COL2A1: variants seen among roughly 807,000 people sequenced by gnomAD.
COL2A1 encodes collagen alpha-1(II) chain.
In COL2A1, 28 loss-of-function variants were observed where a neutral mutation model predicts 204.5. The observed-to-expected ratio is 0.14, with a 90% confidence interval of 0.10 to 0.19. The LOEUF is 0.19. Ranked by LOEUF, COL2A1 falls within the 10% of genes least tolerant of loss-of-function variation. COL2A1 has a pLI of 1.00. For synonymous variants in COL2A1, 708 were observed against 718.7 expected, an observed-to-expected ratio of 0.99 and a Z score of 0.24; for missense variants, 1,388 against 2,027.5, an observed-to-expected ratio of 0.68 and a Z score of 6.06.
Position 47,978,568 on chromosome 12 carries a change from C to A in COL2A1, c.2895+29G>T. On this transcript the variant is annotated intron_variant, in intron 42 of 53. Coordinates refer to ENST00000380518, the MANE Select transcript of COL2A1 (RefSeq NM_001844.5). This position sits in a 1 kb window ranked among gnomAD's most constrained non-coding sequence, Gnocchi z 5.5. ...CCACTCACGACCCTGCTCCCAGGGA[C>A]CTTGGCATGGGCCTGGTGAGGGACT... 1 of 1,613,350 alleles carries A rather than the reference C, an allele frequency of 6.2e-7. No homozygotes were observed. Among genetic ancestry groups the A allele is most frequent in the Non-Finnish European group, 8.5e-7 (1 of 1,179,842 alleles).
At position 47,974,159 on chromosome 12, in the gene COL2A1, G is replaced by A. The variant is rs557405437; in HGVS notation, c.4247C>T (p.Ser1416Phe). 1.6e-5 allele frequency: 26 copies of A among 1,614,218 alleles called. No homozygotes were observed. In the South Asian group the frequency reaches 2.7e-4, roughly 17 times the overall value. ...CTCTGCCCGGATCTCCACGTCATTGGAGCCCTGGATGAGCAGGGCCTTCTT... is the reference window on the plus strand; with the variant it reads ...CTCTGCCCGGATCTCCACGTCATTGAAGCCCTGGATGAGCAGGGCCTTCTT... Reference protein sequence around the residue: ...NLKKALLIQGSNDVEIRAEGN... With the variant: ...NLKKALLIQGFNDVEIRAEGN... The change falls in exon 53 of 54, where the codon TCC (serine) becomes TTC (phenylalanine). Residue 1416 changes from serine (S) to phenylalanine (F), a missense_variant. This residue lies in a region of COL2A1 where 303 missense variants were observed against 369.2 expected (regional missense o/e 0.82). Transcript: ENST00000380518.
chr12:47,981,987 G>T, intron 35 of COL2A1, 120 bp downstream of exon 35: 1 of 1,302,986 alleles, frequency 7.7e-7, no homozygotes, highest in Non-Finnish European at 1.1e-6. Flanking sequence ...CAGTTGCCCA[G>T]CCCCGACAGA....
Position 47,976,976 on chromosome 12 carries a change from C to A in COL2A1, c.3328-57G>T. ...GTCAGGGCCAGGACAGGAGCCCCCT[C>A]CTGTCCCACCCAAGCTGAGGAATCC... On this transcript the variant is annotated intron_variant, in intron 47 of 53. Transcript: ENST00000380518. This position sits in a 1 kb window ranked among gnomAD's most constrained non-coding sequence, Gnocchi z 4.3. 6.5e-7 allele frequency: 1 copy of A among 1,538,408 alleles called. No individual in the cohort carries two copies. The highest frequency in any genetic ancestry group is 2.4e-5 in the East Asian group (1 of 42,526).
In COL2A1 at chr12:47,977,933, TC is replaced by T. The variant is rs1938813545; in HGVS notation, c.3111+76del. The T allele has an allele frequency of 6.5e-6, 9 of 1,377,458 alleles. No homozygotes were observed. In the Admixed American group the frequency reaches 1.5e-4, roughly 23 times the overall value. 85.3% of individuals were successfully genotyped at this position (1,377,458 alleles called of 1,614,324 possible). On this transcript the variant is annotated intron_variant, in intron 44 of 53. Transcript: ENST00000380518. ...TCTCCAGGGCCCTGACTGGGACTTG[TC>T]CTTGCTGACCCAGCACAGAGACTCA...
Position 47,987,573 on chromosome 12 carries a change from C to T in COL2A1, c.1221+38G>A, listed in dbSNP as rs986556856. On this transcript the variant is annotated intron_variant, in intron 19 of 53. Coordinates refer to ENST00000380518, the MANE Select transcript of COL2A1 (RefSeq NM_001844.5). This position sits in a 1 kb window ranked among gnomAD's most constrained non-coding sequence, Gnocchi z 4.1. ...GAGTCAAGAGTTCCAAAGCCACAGA[C>T]CCCAGACCCCCCCAGGCCAAAGAGA... The T allele has an allele frequency of 9.0e-6, 14 of 1,549,770 alleles. No individual in the cohort carries two copies. The highest frequency in any genetic ancestry group is 4.1e-5 in the African/African-American group (3 of 73,350).
chr12:47,978,210 A>G lies in COL2A1; in HGVS notation c.3003+81T>C. ...TTCAGGGAGAGGGCAGACAAGGGAC[A>G]GTCCTGAGGGTGCTGAGGGAGGTAG... On this transcript the variant is annotated intron_variant, in intron 43 of 53. Coordinates refer to ENST00000380518, the MANE Select transcript of COL2A1 (RefSeq NM_001844.5). This position sits in a 1 kb window ranked among gnomAD's most constrained non-coding sequence, Gnocchi z 5.5. The G allele has an allele frequency of 6.3e-7, 1 of 1,585,642 alleles. No individual in the cohort carries two copies.
chr12:47,977,884 T>C lies in COL2A1; in HGVS notation c.3111+126A>G, dbSNP rs1473024011. 4.0e-6 allele frequency: 4 copies of C among 999,042 alleles called. No homozygotes were observed. In the Admixed American group the frequency reaches 8.1e-5, roughly 20 times the overall value. 61.9% of individuals were successfully genotyped at this position (999,042 alleles called of 1,614,324 possible). A position where few individuals can be genotyped will look rare whatever the true frequency, so the allele number is the denominator to read the frequency against. On this transcript the variant is annotated intron_variant, in intron 44 of 53. Transcript: ENST00000380518. ...CCCATTGTACCTAGGCTTTCAGGCC[T>C]GTCGGCCGACACTGCCACCCCCTTC...
intron 11 of COL2A1, among the ~76,000 whole-genome samples, chr12:47,994,967 C>T (rs898073841): frequency 6.6e-6 from 1 of 152,166 alleles, no homozygotes; most frequent in East Asian, 1.9e-4. Context: ...CATCTTTCTG[C>T]CTTGTATTTT....
At position 47,985,773 on chromosome 12, in the gene COL2A1, G is replaced by T. The variant is rs141321284; in HGVS notation, c.1635C>A (p.Asn545Lys). ...GTTCTCCAGGACGGCCAGGGTCACC[G>T]TTGGCTCCCTTGGGGCCAGCAAGAC... ...PSGLAGPKGANGDPGRPGEPG... is the reference protein window; with the variant it reads ...PSGLAGPKGAKGDPGRPGEPG... Residue 545 changes from asparagine (N) to lysine (K), a missense_variant, in exon 25 of 54, where the codon AAC becomes AAA. Transcript: ENST00000380518. 1 of 1,613,694 alleles carries T rather than the reference G, an allele frequency of 6.2e-7. No individual in the cohort carries two copies. Among genetic ancestry groups the T allele is most frequent in the Non-Finnish European group, 8.5e-7 (1 of 1,179,878 alleles).
chr12:47,974,630 T>G, intron 52 of COL2A1, 45 bp downstream of exon 52: 1 of 1,594,058 alleles, frequency 6.3e-7, no homozygotes, highest in African/African-American at 1.3e-5. Context: ...AGAAAGAGTT[T>G]GAGGAGCCAT....
rs1330453593 is a variant in COL2A1, at chr12:47,978,465, C to T, written c.2896-67G>A. The T allele has an allele frequency of 1.1e-5, 17 of 1,571,336 alleles. No individual in the cohort carries two copies. The highest frequency in any genetic ancestry group is 1.5e-5 in the Non-Finnish European group (17 of 1,148,668). Reference sequence around the variant, plus strand: ...AGCCTCTTCTGTCCTCTCAGCACAGCTCTGTCTGTGCAGCCCCGCTCCCTG... The same window carrying T: ...AGCCTCTTCTGTCCTCTCAGCACAGTTCTGTCTGTGCAGCCCCGCTCCCTG... On this transcript the variant is annotated intron_variant, in intron 42 of 53. Transcript: ENST00000380518. This position sits in a 1 kb window ranked among gnomAD's most constrained non-coding sequence, Gnocchi z 5.5.
At position 47,981,484 on chromosome 12, in the gene COL2A1, C is replaced by T. The variant is rs1565675965; in HGVS notation, c.2410-88G>A. On this transcript the variant is annotated intron_variant, in intron 36 of 53. Transcript: ENST00000380518. The stretch of plus-strand genomic sequence containing the variant: ...CAAAGTGCATTTGGGGGGCCTTGCT[C>T]GTGGGAAGGGGGCTCCAGGTCCCCC... 18 of 1,240,544 alleles carry T rather than the reference C, an allele frequency of 1.5e-5. No homozygotes were observed. In the Admixed American group the frequency reaches 2.6e-4, roughly 18 times the overall value. 76.8% of individuals were successfully genotyped at this position (1,240,544 alleles called of 1,614,324 possible). A position where few individuals can be genotyped will look rare whatever the true frequency, so the allele number is the denominator to read the frequency against.
chr12:47,992,420 G>A (rs1473899077), intron 16 of COL2A1, among the ~76,000 whole-genome samples: 1 of 152,196 alleles, frequency 6.6e-6, no homozygotes, highest in Non-Finnish European at 1.5e-5. Flanking sequence ...AAGTGCCTAT[G>A]GAATGGTGGC....
chr12:48,003,742 C>T (rs1019969295), intron 1 of COL2A1, among the ~76,000 whole-genome samples: 8 of 152,278 alleles, frequency 5.3e-5, no homozygotes, highest in African/African-American at 1.9e-4. Context: ...TTTGAGCCCA[C>T]CAGCCACCAA....
At chr12:47,996,522 T>C in intron 8 of COL2A1, 26 bp downstream of exon 8, 1 of 1,604,200 alleles carries the variant, frequency 6.2e-7, no homozygotes, top group Non-Finnish European at 8.5e-7. Flanking sequence ...CCATTTTGGC[T>C]GCAAAGAACT....
chr12:47,979,974 G>A (rs778387613), intron 40 of COL2A1, 35 bp downstream of exon 40: 1 of 1,538,768 alleles, frequency 6.5e-7, no homozygotes, highest in Non-Finnish European at 8.8e-7. Flanking sequence ...GCCTCTTTGT[G>A]AGGTGCAGGG....
At chr12:47,999,284 A>G (rs886192016) in intron 2 of COL2A1, among the ~76,000 whole-genome samples, 2 of 152,236 alleles carry the variant, frequency 1.3e-5, no homozygotes, top group African/African-American at 2.4e-5. Flanking sequence ...CACCCACTAC[A>G]GTGCAGATAC....
In COL2A1 at chr12:47,980,712, G is replaced by C. The variant is rs1432572918; in HGVS notation, c.2518-51C>G. 1.3e-6 allele frequency: 2 copies of C among 1,553,318 alleles called. No individual in the cohort carries two copies. The highest frequency in any genetic ancestry group is 1.8e-6 in the Non-Finnish European group (2 of 1,138,576). On this transcript the variant is annotated intron_variant, in intron 38 of 53. Transcript: ENST00000380518. This position sits in a 1 kb window ranked among gnomAD's most constrained non-coding sequence, Gnocchi z 4.5. Reference sequence around the variant, plus strand: ...GAATGAGGGGCAGGCTAAAACCCTGGAGCTCTTCCAGAAGAGCAGGAGACT... The same window carrying C: ...GAATGAGGGGCAGGCTAAAACCCTGCAGCTCTTCCAGAAGAGCAGGAGACT...
chr12:47,999,106 C>T (rs916144066), intron 2 of COL2A1, among the ~76,000 whole-genome samples: 14 of 152,172 alleles, frequency 9.2e-5, no homozygotes, highest in Admixed American at 2.6e-4. Flanking sequence ...TCCCTTGCCA[C>T]GGCCTTCTCT....
Sources: gnomAD v4.1 joint callset for allele counts (sites outside exome capture counted in the v4.1 genomes callset) on GRCh38, gnomAD v4.1.1 for gene constraint, gnomAD v4.1.1 regional missense constraint, Gnocchi (gnomAD v3.1) non-coding constraint, MANE v1.5 for transcripts, NCBI Gene and HGNC (gene_info 2026-07-23, HGNC 2026-07-21) for gene names.